KCNQ1OT1: variants seen among roughly 807,000 people sequenced by gnomAD.
KCNQ1OT1 encodes the protein KCNQ1 antisense RNA 2 (non-protein coding).
At position 2,642,519 on chromosome 11, in the gene KCNQ1OT1, TC is replaced by T. The variant is rs1247190050; in HGVS notation, n.57475del. 3.5e-5 allele frequency: 14 copies of T among 397,892 alleles called. No homozygotes were observed. The East Asian group carries it at 5.0e-4, about 14-fold the overall frequency. The allele number at this position is 397,892 out of a possible 1,614,324, so 24.6% of individuals were successfully genotyped here. ...GTATTTCATGGTATGAGTTGTAATA[TC>T]CCCTTTTTCATTTTTGATTTTATTC... On this transcript the variant is annotated non_coding_transcript_exon_variant, in exon 1 of 1. Transcript: ENST00000597346. The surrounding 1 kb of genome is among the most constrained non-coding windows in gnomAD (Gnocchi z 4.3).
chr11:2,622,042 G>A, exon 1 of KCNQ1OT1: 2 of 396,132 alleles, frequency 5.0e-6, no homozygotes, highest in Non-Finnish European at 8.9e-6. Flanking sequence ...TGCTTTTGCT[G>A]CATGTTTTGC....
chr11:2,697,308 T>C (rs624471), exon 1 of KCNQ1OT1: 248,952 of 398,416 alleles, frequency 0.62, 83,066 homozygotes, highest in East Asian at 0.99. Context: ...TGTTTGAGAA[T>C]CTTTATGGAG....
At chr11:2,636,653 T>G (rs1483137583) in exon 1 of KCNQ1OT1, 1 of 151,152 alleles carries the variant, frequency 6.6e-6, no homozygotes, top group Non-Finnish European at 1.5e-5. Context: ...TCTCTTTTTT[T>G]GTTGTGTCTC....
chr11:2,649,349 C>G (rs1173761597), exon 1 of KCNQ1OT1: 3 of 397,786 alleles, frequency 7.5e-6, no homozygotes, highest in Non-Finnish European at 1.3e-5. Flanking sequence ...ATTCCTTTTC[C>G]TTTCTCATTT....
rs1227407052 is a variant in KCNQ1OT1, at chr11:2,627,745, ACACT to A, written n.72246_72249del. 1 of 398,236 alleles carries A rather than the reference ACACT, an allele frequency of 2.5e-6. No individual in the cohort carries two copies. Among genetic ancestry groups the A allele is most frequent in the Non-Finnish European group, 4.4e-6 (1 of 226,034 alleles). 24.7% of individuals were successfully genotyped at this position (398,236 alleles called of 1,614,324 possible). ...TGGGAATTTGGTGATACACACACACACACTATTTTCTTCCTTTCTTTTTGAGACA... is the reference window on the plus strand; with the variant it reads ...TGGGAATTTGGTGATACACACACACAATTTTCTTCCTTTCTTTTTGAGACA... On this transcript the variant is annotated non_coding_transcript_exon_variant, in exon 1 of 1. Transcript: ENST00000597346. The surrounding 1 kb of genome is among the most constrained non-coding windows in gnomAD (Gnocchi z 4.9).
rs1250916759 is a variant in KCNQ1OT1 at position 2,687,376 on chromosome 11, G to A, written n.12619C>T. ...AGGTCTGCCTTGGGCTGTCACTCAGGGCTGAGCTCTGCTGAAGGATCTGGG... is the reference window on the plus strand; with the variant it reads ...AGGTCTGCCTTGGGCTGTCACTCAGAGCTGAGCTCTGCTGAAGGATCTGGG... On this transcript the variant is annotated non_coding_transcript_exon_variant, in exon 1 of 1. Coordinates refer to ENST00000597346, the Ensembl canonical transcript of KCNQ1OT1. The surrounding 1 kb of genome is among the most constrained non-coding windows in gnomAD (Gnocchi z 5.0). 2.5e-6 allele frequency: 1 copy of A among 398,538 alleles called. No homozygotes were observed. Among genetic ancestry groups the A allele is most frequent in the Non-Finnish European group, 4.4e-6 (1 of 226,104 alleles). 24.7% of individuals were successfully genotyped at this position (398,538 alleles called of 1,614,324 possible). A position where few individuals can be genotyped will look rare whatever the true frequency, so the allele number is the denominator to read the frequency against.
chr11:2,695,682 G>A lies in KCNQ1OT1; in HGVS notation n.4313C>T, dbSNP rs976062212. 9 of 398,510 alleles carry A rather than the reference G, an allele frequency of 2.3e-5. No individual in the cohort carries two copies. The highest frequency in any genetic ancestry group is 4.0e-5 in the Non-Finnish European group (9 of 226,084). 24.7% of individuals were successfully genotyped at this position (398,510 alleles called of 1,614,324 possible). ...TTATTTGAGGAAGAAGTGTTGGCCA[G>A]CTCTTCAGAACGTCTGTGCCTGTCT... On this transcript the variant is annotated non_coding_transcript_exon_variant, in exon 1 of 1. Transcript: ENST00000597346. This position sits in a 1 kb window ranked among gnomAD's most constrained non-coding sequence, Gnocchi z 5.2.
At chr11:2,635,051 G>C (rs1287339200) in exon 1 of KCNQ1OT1, 1 of 152,066 alleles carries the variant, frequency 6.6e-6, no homozygotes, top group Non-Finnish European at 1.5e-5. Context: ...TTGTAAATTT[G>C]TTTGAGTTCT....
At chr11:2,688,568 A>G (rs1416547228) in exon 1 of KCNQ1OT1, 1 of 398,704 alleles carries the variant, frequency 2.5e-6, no homozygotes, top group East Asian at 3.6e-5. Flanking sequence ...CCACAGCCTC[A>G]TAGCAGCCAG....
Position 2,626,973 on chromosome 11 carries a change from T to A in KCNQ1OT1, n.73022A>T, listed in dbSNP as rs1849271769. 2 of 398,468 alleles carry A rather than the reference T, an allele frequency of 5.0e-6. No individual in the cohort carries two copies. Among genetic ancestry groups the A allele is most frequent in the Non-Finnish European group, 8.8e-6 (2 of 226,048 alleles). The allele number at this position is 398,468 out of a possible 1,614,324, so 24.7% of individuals were successfully genotyped here. On this transcript the variant is annotated non_coding_transcript_exon_variant, in exon 1 of 1. Transcript: ENST00000597346. This position sits in a 1 kb window ranked among gnomAD's most constrained non-coding sequence, Gnocchi z 4.0. ...TTTCTGCAAATAACATCATTAGGATTTTTATTGGGATTACCTTGGATTTGT... is the reference window on the plus strand; with the variant it reads ...TTTCTGCAAATAACATCATTAGGATATTTATTGGGATTACCTTGGATTTGT...
chr11:2,618,989 G>A (rs1365386875), exon 1 of KCNQ1OT1: 5 of 398,210 alleles, frequency 1.3e-5, no homozygotes, highest in African/African-American at 8.2e-5. Flanking sequence ...CATTATTTGT[G>A]TATAGAAATG....
rs183228547 is a variant in KCNQ1OT1 at position 2,621,158 on chromosome 11, A to G, written n.78837T>C. ...ATACCTGGCTAATTTTTGTGTTTTT[A>G]GTAGAGACGGGGTTTCACCATGTTG... On this transcript the variant is annotated non_coding_transcript_exon_variant, in exon 1 of 1. Coordinates refer to ENST00000597346, the Ensembl canonical transcript of KCNQ1OT1. This position sits in a 1 kb window ranked among gnomAD's most constrained non-coding sequence, Gnocchi z 5.7. 171 of 397,110 alleles carry G rather than the reference A, an allele frequency of 4.3e-4. 1 individual carries two copies. The highest frequency in any genetic ancestry group is 3.4e-3 in the African/African-American group (164 of 48,646). 24.6% of individuals were successfully genotyped at this position (397,110 alleles called of 1,614,324 possible).
In KCNQ1OT1 at chr11:2,676,440, A is replaced by G. The variant is rs1850296003; in HGVS notation, n.23555T>C. 2.5e-6 allele frequency: 1 copy of G among 398,652 alleles called. No homozygotes were observed. Among genetic ancestry groups the G allele is most frequent in the Non-Finnish European group, 4.4e-6 (1 of 226,074 alleles). The allele number at this position is 398,652 out of a possible 1,614,324, so 24.7% of individuals were successfully genotyped here. ...GGGCTGGGCTTTTCCCAGATAGGAC[A>G]TGCTCACTGTTCTGCTCAGATTGTT... is the stretch of plus-strand genomic sequence containing the variant. On this transcript the variant is annotated non_coding_transcript_exon_variant, in exon 1 of 1. Coordinates refer to ENST00000597346, the Ensembl canonical transcript of KCNQ1OT1. The surrounding 1 kb of genome is among the most constrained non-coding windows in gnomAD (Gnocchi z 4.2).
chr11:2,676,242 T>A lies in KCNQ1OT1; in HGVS notation n.23753A>T, dbSNP rs1379403655. 7.5e-6 allele frequency: 3 copies of A among 398,550 alleles called. No individual in the cohort carries two copies. Among genetic ancestry groups the A allele is most frequent in the Non-Finnish European group, 1.3e-5 (3 of 226,074 alleles). The allele number at this position is 398,550 out of a possible 1,614,324, so 24.7% of individuals were successfully genotyped here. A position where few individuals can be genotyped will look rare whatever the true frequency, so the allele number is the denominator to read the frequency against. Reference sequence around the variant, plus strand: ...ACAATGCTGATTTATTATGGTGCAGTACATCTGAGAAGCATTTTTATTGCA... The same window carrying A: ...ACAATGCTGATTTATTATGGTGCAGAACATCTGAGAAGCATTTTTATTGCA... On this transcript the variant is annotated non_coding_transcript_exon_variant, in exon 1 of 1. Transcript: ENST00000597346. This position sits in a 1 kb window ranked among gnomAD's most constrained non-coding sequence, Gnocchi z 4.2.
rs75577538 is a variant in KCNQ1OT1 at position 2,683,898 on chromosome 11, G to A, written n.16097C>T. The A allele has an allele frequency of 2.6e-3, 1,015 of 397,644 alleles. 34 individuals are homozygous for A. The East Asian group carries it at 0.027, about 11-fold the overall frequency. 24.6% of individuals were successfully genotyped at this position (397,644 alleles called of 1,614,324 possible). ...CTTCCAAATCATAAATGCAAAAGATGGCCAAAGGTGCATGCTCTGTGACAC... is the reference window on the plus strand; with the variant it reads ...CTTCCAAATCATAAATGCAAAAGATAGCCAAAGGTGCATGCTCTGTGACAC... On this transcript the variant is annotated non_coding_transcript_exon_variant, in exon 1 of 1. Coordinates refer to ENST00000597346, the Ensembl canonical transcript of KCNQ1OT1. This position sits in a 1 kb window ranked among gnomAD's most constrained non-coding sequence, Gnocchi z 4.7.
rs965223107 is a variant in KCNQ1OT1 at position 2,632,450 on chromosome 11, G to C, written n.67545C>G. On this transcript the variant is annotated non_coding_transcript_exon_variant, in exon 1 of 1. Coordinates refer to ENST00000597346, the Ensembl canonical transcript of KCNQ1OT1. ...ATCTTGCTTTATTCCTGATCTTAGA[G>C]GAAAAGCTCTTAGTCTTTTCACCAT... 8 of 398,214 alleles carry C rather than the reference G, an allele frequency of 2.0e-5. No homozygotes were observed. The South Asian group carries it at 3.8e-4, about 19-fold the overall frequency. 24.7% of individuals were successfully genotyped at this position (398,214 alleles called of 1,614,324 possible). A position where few individuals can be genotyped will look rare whatever the true frequency, so the allele number is the denominator to read the frequency against.
chr11:2,638,325 T>A (rs985126241), exon 1 of KCNQ1OT1: 2 of 152,344 alleles, frequency 1.3e-5, no homozygotes, highest in South Asian at 4.1e-4. Context: ...ATTGTTCCTT[T>A]CCATGTTTAG....
chr11:2,611,264 G>A lies in KCNQ1OT1; in HGVS notation n.88731C>T, dbSNP rs765942380. 1.9e-4 allele frequency: 77 copies of A among 397,510 alleles called. No individual in the cohort carries two copies. The highest frequency in any genetic ancestry group is 2.8e-4 in the Non-Finnish European group (63 of 225,992). 24.6% of individuals were successfully genotyped at this position (397,510 alleles called of 1,614,324 possible). A position where few individuals can be genotyped will look rare whatever the true frequency, so the allele number is the denominator to read the frequency against. On this transcript the variant is annotated non_coding_transcript_exon_variant, in exon 1 of 1. Transcript: ENST00000597346. This position sits in a 1 kb window ranked among gnomAD's most constrained non-coding sequence, Gnocchi z 5.3. Reference sequence around the variant, plus strand: ...GGATGGAGTCTCACTCTGTTGCCCAGGCTGGAGTGCAGTGGCGTGACCTTG... The same window carrying A: ...GGATGGAGTCTCACTCTGTTGCCCAAGCTGGAGTGCAGTGGCGTGACCTTG...
exon 1 of KCNQ1OT1, chr11:2,616,709 G>T (rs767958466): frequency 6.0e-5 from 24 of 398,124 alleles, no homozygotes; most frequent in Non-Finnish European, 1.0e-4. Flanking sequence ...TTTTTCTTCT[G>T]TTACAGATTT....
Sources: allele counts gnomAD v4.1 joint callset, GRCh38; gene constraint gnomAD v4.1.1; non-coding constraint Gnocchi (gnomAD v3.1); transcripts MANE v1.5; gene names NCBI Gene and HGNC (gene_info 2026-07-23, HGNC 2026-07-21).